SLC25A51: variants seen among roughly 807,000 people sequenced by gnomAD.
The protein encoded by SLC25A51 is mitochondrial nicotinamide adenine dinucleotide transporter SLC25A51.
Under a neutral mutation model 19.1 loss-of-function variants are expected in SLC25A51, and 11 were observed. That is an observed-to-expected ratio of 0.58 (90% CI 0.36 to 0.96). The LOEUF (loss-of-function observed/expected upper bound fraction) is 0.96, where lower values mean the gene tolerates loss of function less well. SLC25A51 is among the 40% of genes least tolerant of loss of function. The pLI, the probability that SLC25A51 is intolerant of heterozygous loss-of-function variation, is 0.01. For synonymous variants in SLC25A51, 105 were observed against 133.6 expected (o/e 0.79, Z 1.47); for missense variants, 201 against 365.4 (o/e 0.55, Z 3.67).
intron 2 of SLC25A51, among the ~76,000 whole-genome samples, chr9:37,897,234 T>C (rs1831737706): frequency 6.6e-6 from 1 of 152,092 alleles, no homozygotes; most frequent in Non-Finnish European, 1.5e-5. Context: ...ATTTTTTTTC[T>C]TTTTGAGATG....
At chr9:37,892,767 T>C (rs1210685133) in intron 2 of SLC25A51, among the ~76,000 whole-genome samples, 4 of 150,796 alleles carry the variant, frequency 2.7e-5, no homozygotes, top group South Asian at 4.2e-4. Flanking sequence ...TTAGATGGAG[T>C]CTCACTCTGT....
At chr9:37,885,886 C>A, downstream of SLC25A51, 2 of 1,597,902 alleles carry the variant, frequency 1.3e-6, no homozygotes, top group Non-Finnish European at 1.7e-6. Context: ...AAACCCCCCC[C>A]TCCCCATATA....
intron 2 of SLC25A51, among the ~76,000 whole-genome samples, chr9:37,892,987 G>A (rs1191854892): frequency 6.6e-6 from 1 of 152,038 alleles, no homozygotes; most frequent in African/African-American, 2.4e-5. Context: ...TGATCCGCCC[G>A]CCTTGGCCTC....
chr9:37,885,356 A>AAC (rs1554693021), downstream of SLC25A51, among the ~76,000 whole-genome samples: 20 of 151,134 alleles, frequency 1.3e-4, no homozygotes, highest in Admixed American at 4.0e-4. Flanking sequence ...AAAAAAAAAA[A>AAC]AAAAAAAAAA....
intron 1 of SLC25A51, among the ~76,000 whole-genome samples, chr9:37,902,972 C>A (rs1831887777): frequency 1.3e-5 from 2 of 152,196 alleles, no homozygotes; most frequent in African/African-American, 4.8e-5. Context: ...CAGCCTGGGT[C>A]TAGTCCTAGT....
chr9:37,897,255 A>G (rs1039032107), intron 2 of SLC25A51, among the ~76,000 whole-genome samples: 11 of 151,766 alleles, frequency 7.2e-5, no homozygotes, highest in Non-Finnish European at 1.2e-4. Flanking sequence ...GGGTTTCACT[A>G]TGTTGCCCAG....
At chr9:37,886,161 T>C (rs1436829062), downstream of SLC25A51, 1 of 1,454,382 alleles carries the variant, frequency 6.9e-7, no homozygotes, top group East Asian at 2.3e-5. Flanking sequence ...CCTACCCTGA[T>C]CCTGTTCCAA....
At chr9:37,896,847 G>A (rs1268272265) in intron 2 of SLC25A51, among the ~76,000 whole-genome samples, 2 of 152,234 alleles carry the variant, frequency 1.3e-5, no homozygotes, top group Non-Finnish European at 2.9e-5. Flanking sequence ...AATTTTTAGT[G>A]GTATTTAGAT....
rs1250004337 is a variant in SLC25A51, at chr9:37,887,858, T to C, written c.693A>G (p.Pro231=). 8.7e-6 allele frequency: 14 copies of C among 1,612,074 alleles called. No individual in the cohort carries two copies. The East Asian group carries it at 1.6e-4, about 18-fold the overall frequency. ...LGAMLGFLFF[P]INVVKTRIQS... ...GTATGCGAGTTTTTACAACATTAAT[T>C]GGAAAAAACAAGAATCCCAACATGG... The change falls in exon 3 of 3, where the codon CCA becomes CCG. Residue 231 remains proline (P), a synonymous_variant. Coordinates refer to ENST00000242275, the MANE Select transcript of SLC25A51 (RefSeq NM_033412.4).
At chr9:37,884,144 C>T (rs1831400494), downstream of SLC25A51, among the ~76,000 whole-genome samples, 1 of 152,188 alleles carries the variant, frequency 6.6e-6, no homozygotes, top group Non-Finnish European at 1.5e-5. Context: ...GGAAATCAAT[C>T]TTTAGCTACA....
intron 1 of SLC25A51, chr9:37,903,518 T>C (rs751306020): frequency 6.6e-6 from 1 of 152,300 alleles, no homozygotes; most frequent in Non-Finnish European, 1.5e-5. Context: ...CCAGGCTATG[T>C]AGCTGAACTT....
downstream of SLC25A51, chr9:37,886,435 C>T: frequency 6.5e-7 from 1 of 1,533,878 alleles, no homozygotes; most frequent in Non-Finnish European, 8.8e-7. Flanking sequence ...ATTCCAGGCT[C>T]TTTCCATAAC....
At chr9:37,901,057 G>T (rs1045845846) in intron 1 of SLC25A51, among the ~76,000 whole-genome samples, 1 of 152,058 alleles carries the variant, frequency 6.6e-6, no homozygotes, top group South Asian at 2.1e-4. Flanking sequence ...GTAGAGACAG[G>T]GTTTCTCTAC....
intron 2 of SLC25A51, among the ~76,000 whole-genome samples, chr9:37,897,291 G>A (rs1831739060): frequency 6.6e-6 from 1 of 152,020 alleles, no homozygotes; most frequent in East Asian, 1.9e-4. Flanking sequence ...CTGGGCTCAA[G>A]TGATCCTCCT....
At chr9:37,886,668 T>C (rs1244395144), downstream of SLC25A51, among the ~76,000 whole-genome samples, 2 of 152,328 alleles carry the variant, frequency 1.3e-5, no homozygotes, top group African/African-American at 2.4e-5. Context: ...GTGTGTTAAC[T>C]GCTTATCAGC....
rs1480909391 is a variant in SLC25A51, at chr9:37,887,647, G to A, written c.*10C>T. Reference sequence around the variant, plus strand: ...TTCAGTTGATAAATGGCACTTAACTGATGGTTTTTTCATATAACCTTTAAC... The same window carrying A: ...TTCAGTTGATAAATGGCACTTAACTAATGGTTTTTTCATATAACCTTTAAC... On this transcript the variant is annotated 3_prime_UTR_variant, in exon 3 of 3. Transcript: ENST00000242275. 6.2e-7 allele frequency: 1 copy of A among 1,601,436 alleles called. No homozygotes were observed. The highest frequency in any genetic ancestry group is 1.4e-5 in the African/African-American group (1 of 73,934).
chr9:37,881,858 G>C (rs1831355267), intron 2 of SLC25A51, among the ~76,000 whole-genome samples: 1 of 151,942 alleles, frequency 6.6e-6, no homozygotes, highest in Non-Finnish European at 1.5e-5. Flanking sequence ...CCAGTAACAA[G>C]CAACTACTCA....
intron 2 of SLC25A51, among the ~76,000 whole-genome samples, chr9:37,892,772 C>A (rs1831622968): frequency 6.6e-6 from 1 of 151,724 alleles, no homozygotes; most frequent in South Asian, 2.1e-4. Context: ...TGGAGTCTCA[C>A]TCTGTTGCCC....
chr9:37,891,766 A>G (rs971663576), intron 2 of SLC25A51, among the ~76,000 whole-genome samples: 3 of 151,402 alleles, frequency 2.0e-5, no homozygotes, highest in Non-Finnish European at 4.4e-5. Context: ...ACCTTTGTTC[A>G]CTTGTTTGTC....
Sources: gnomAD v4.1 joint callset for allele counts (sites outside exome capture counted in the v4.1 genomes callset) on GRCh38, gnomAD v4.1.1 for gene constraint, MANE v1.5 for transcripts, NCBI Gene and HGNC (gene_info 2026-07-23, HGNC 2026-07-21) for gene names.